ROS1: variants seen among roughly 807,000 people sequenced by gnomAD.
ROS1 encodes the protein ROS proto-oncogene 1, receptor tyrosine kinase.
A neutral mutation model predicts 273.5 loss-of-function variants in ROS1; 263 were observed. That is an observed-to-expected ratio of 0.96 (90% CI 0.87 to 1.06). ROS1 has a LOEUF of 1.06. Among genes scored for constraint, ROS1 ranks in the 50% least tolerant of loss-of-function variants. The probability of loss-of-function intolerance (pLI) is 0.00; values close to 1 mark genes in which losing one functional copy is unlikely to be tolerated. For synonymous variants in ROS1, 1,008 were observed against 954.1 expected (o/e 1.06, Z -1.04); for missense variants, 2,833 against 2,751.1 (o/e 1.03, Z -0.67).
intron 35 of ROS1, among the ~76,000 whole-genome samples, chr6:117,323,754 C>A (rs1378580297): frequency 2.0e-5 from 3 of 152,036 alleles, no homozygotes; most frequent in Non-Finnish European, 4.4e-5. Flanking sequence ...ATCTACCTAA[C>A]CTAATTTTTC....
rs1772617539 is a variant in ROS1, at chr6:117,386,823, G to T, written c.2110+66C>A. The T allele has an allele frequency of 7.8e-6, 6 of 766,690 alleles. No homozygotes were observed. The South Asian group carries it at 1.3e-4, about 16-fold the overall frequency. 47.5% of individuals were successfully genotyped at this position (766,690 alleles called of 1,614,324 possible). ...AAATACCCTATTCTTTTGATTCATT[G>T]AATGATGTGGGAAGTCTTATGAGTA... On this transcript the variant is annotated intron_variant, in intron 15 of 43. Coordinates refer to ENST00000368507, the MANE Select transcript of ROS1 (RefSeq NM_001378902.1).
intron 1 of ROS1, among the ~76,000 whole-genome samples, chr6:117,419,810 G>T (rs924554153): frequency 6.6e-6 from 1 of 152,120 alleles, no homozygotes; most frequent in Non-Finnish European, 1.5e-5. Context: ...ACACTGTAAC[G>T]GTAGTGAGTC....
chr6:117,290,681 A>T (rs1224030425), intron 43 of ROS1, among the ~76,000 whole-genome samples: 1 of 152,156 alleles, frequency 6.6e-6, no homozygotes, highest in Admixed American at 6.5e-5. Flanking sequence ...GTTTACACAA[A>T]TGTTTGGATG....
Position 117,394,245 on chromosome 6 carries a change from T to A in ROS1, c.1108A>T (p.Ile370Phe). Residue 370 changes from isoleucine (I) to phenylalanine (F), a missense_variant, in exon 11 of 44, where the codon ATT becomes TTT. By Grantham distance (21) the Ile-to-Phe change is conservative (BLOSUM62 0). Coordinates refer to ENST00000368507, the MANE Select transcript of ROS1 (RefSeq NM_001378902.1). ...ANMSDVSDLRIFYRGSGLISS... is the reference protein window; with the variant it reads ...ANMSDVSDLRFFYRGSGLISS... ...ATTAATCCTGAACCTCTGTAAAAAA[T>A]TCTCAGGTCAGATACATCAGACATG... 6.2e-7 allele frequency: 1 copy of A among 1,610,940 alleles called. No homozygotes were observed.
intron 43 of ROS1, among the ~76,000 whole-genome samples, chr6:117,291,401 G>A (rs1339063983): frequency 6.6e-6 from 1 of 152,072 alleles, no homozygotes; most frequent in Non-Finnish European, 1.5e-5. Context: ...GGTATAACCA[G>A]AAAAAAATGG....
chr6:117,422,389 T>A (rs926576042), intron 1 of ROS1, among the ~76,000 whole-genome samples: 1 of 152,236 alleles, frequency 6.6e-6, no homozygotes, highest in Non-Finnish European at 1.5e-5. Context: ...TTATGCTACA[T>A]GGATAGCAAC....
chr6:117,289,484 C>A (rs80147896), intron 43 of ROS1, among the ~76,000 whole-genome samples: 1,556 of 152,090 alleles, frequency 0.01, 30 homozygotes, highest in African/African-American at 0.036. Flanking sequence ...CCTATTTTTC[C>A]CAATAAAAAT....
At chr6:117,424,286 T>C (rs1775979704) in intron 1 of ROS1, among the ~76,000 whole-genome samples, 1 of 151,738 alleles carries the variant, frequency 6.6e-6, no homozygotes, top group Admixed American at 6.6e-5. Context: ...GCTGGTTGCA[T>C]AGCTGGGTGT....
rs1376632199 is a variant in ROS1 at position 117,359,827 on chromosome 6, G to A, written c.3615C>T (p.His1205=). Residue 1205 remains histidine (H), a synonymous_variant, in exon 24 of 44, where the codon CAC becomes CAT. Transcript: ENST00000368507. ...EGDSLFLLHL[H]NRSSSELFQD... is the part of the protein sequence containing the mutation. ...GAAATACCTCAGAGCTAGAGCGATT[G>A]TGCAAGTGCAGAAGAAAGAGTGAGT... The A allele has an allele frequency of 4.3e-6, 7 of 1,613,714 alleles. No individual in the cohort carries two copies. Among genetic ancestry groups the A allele is most frequent in the Non-Finnish European group, 5.9e-6 (7 of 1,179,692 alleles).
chr6:117,344,319 A>C, intron 27 of ROS1, 57 bp from the exon 28 acceptor site: 1 of 1,220,182 alleles, frequency 8.2e-7, no homozygotes. Context: ...TGAGAGGAAA[A>C]GCAGATTTTT....
At chr6:117,384,748 G>A (rs1210392142) in intron 16 of ROS1, among the ~76,000 whole-genome samples, 1 of 152,096 alleles carries the variant, frequency 6.6e-6, no homozygotes, top group Non-Finnish European at 1.5e-5. Context: ...AACATCTATG[G>A]ACTTTATCTG....
chr6:117,362,590 TTC>T lies in ROS1; in HGVS notation c.3366+11_3366+12del. 2 of 1,608,318 alleles carry T rather than the reference TTC, an allele frequency of 1.2e-6. No homozygotes were observed. The highest frequency in any genetic ancestry group is 1.3e-5 in the African/African-American group (1 of 74,750). On this transcript the variant is annotated intron_variant, in intron 22 of 43. Coordinates refer to ENST00000368507, the MANE Select transcript of ROS1 (RefSeq NM_001378902.1). ...TATTAAGACTCTCATATCTTCTGTT[TTC>T]TCTCTCATACCTGGAAGGCAATAAA...
intron 31 of ROS1, among the ~76,000 whole-genome samples, chr6:117,337,980 A>G (rs1777600506): frequency 6.6e-6 from 1 of 152,146 alleles, no homozygotes; most frequent in African/African-American, 2.4e-5. Flanking sequence ...TCTTGTTTTC[A>G]TTCCACTTTA....
intron 6 of ROS1, 57 bp from the exon 7 acceptor site, chr6:117,403,334 C>G: frequency 6.5e-7 from 1 of 1,544,456 alleles, no homozygotes; most frequent in Non-Finnish European, 8.8e-7. Context: ...CACATTGGGA[C>G]TAAAAAGCAT....
At position 117,397,095 on chromosome 6, in the gene ROS1, A is replaced by G; in HGVS notation, c.626T>C (p.Ile209Thr). 2 of 1,612,998 alleles carry G rather than the reference A, an allele frequency of 1.2e-6. No homozygotes were observed. The highest frequency in any genetic ancestry group is 1.3e-5 in the African/African-American group (1 of 75,018). The change falls in exon 8 of 44, where the codon ATT becomes ACT. Residue 209 changes from isoleucine (I) to threonine (T), a missense_variant. Coordinates refer to ENST00000368507, the MANE Select transcript of ROS1 (RefSeq NM_001378902.1). ...PHGVPETAPL[I>T]RNIESSSPDT... Reference sequence around the variant, plus strand: ...GGGACTTGAGCTCTCAATATTCCTAATCAAAGGTGCAGTTTCAGGAACTGG... The same window carrying G: ...GGGACTTGAGCTCTCAATATTCCTAGTCAAAGGTGCAGTTTCAGGAACTGG...
chr6:117,371,020 A>T (rs1562327228), intron 18 of ROS1, among the ~76,000 whole-genome samples: 1 of 152,230 alleles, frequency 6.6e-6, no homozygotes, highest in Non-Finnish European at 1.5e-5. Flanking sequence ...TGTTGTTTAC[A>T]AGAAAGGCAC....
chr6:117,374,234 C>T (rs1253292841), intron 18 of ROS1, among the ~76,000 whole-genome samples: 1 of 152,192 alleles, frequency 6.6e-6, no homozygotes, highest in Non-Finnish European at 1.5e-5. Flanking sequence ...TACCTGACTT[C>T]AAACTGTACT....
At chr6:117,393,661 T>C (rs1017813231) in intron 11 of ROS1, among the ~76,000 whole-genome samples, 3 of 152,270 alleles carry the variant, frequency 2.0e-5, no homozygotes, top group South Asian at 4.1e-4. Context: ...TCCAAAGAAG[T>C]AGAATTTGAA....
intron 4 of ROS1, among the ~76,000 whole-genome samples, chr6:117,411,092 G>A (rs1774866562): frequency 6.6e-6 from 1 of 152,052 alleles, no homozygotes; most frequent in African/African-American, 2.4e-5. Flanking sequence ...TTGACAATCA[G>A]GAGAAATTGT....
Sources: allele counts gnomAD v4.1 joint callset (sites outside exome capture counted in the v4.1 genomes callset), GRCh38; gene constraint gnomAD v4.1.1; transcripts MANE v1.5; gene names NCBI Gene and HGNC (gene_info 2026-07-23, HGNC 2026-07-21).